The following GID8 variants were observed in gnomAD, a reference collection of about 807,000 sequenced individuals.
GID8 encodes glucose-induced degradation protein 8 homolog.
Under a neutral mutation model 27.4 loss-of-function variants are expected in GID8, and 6 were observed. The observed-to-expected ratio is 0.22, with a 90% CI of 0.12 to 0.43. GID8 has a LOEUF of 0.43. Among genes scored for constraint, GID8 ranks in the 20% least tolerant of loss-of-function variants. GID8 has a pLI of 1.00. For synonymous variants in GID8, 112 were observed against 109.0 expected, an observed-to-expected ratio of 1.03 and a Z score of -0.17; for missense variants, 173 against 287.6, an observed-to-expected ratio of 0.60 and a Z score of 2.88.
At position 62,945,515 on chromosome 20, in the gene GID8, T is replaced by C. The variant is rs2065462547; in HGVS notation, c.*603T>C. 3 of 1,045,190 alleles carry C rather than the reference T, an allele frequency of 2.9e-6. No homozygotes were observed. In the African/African-American group the frequency reaches 5.2e-5, roughly 18 times the overall value. The allele number at this position is 1,045,190 out of a possible 1,614,324, so 64.7% of individuals were successfully genotyped here. A position where few individuals can be genotyped will look rare whatever the true frequency, so the allele number is the denominator to read the frequency against. ...GCGTGTGAGGGGGCTATGTGTTTTTTAATTTTTTAAATATATATTTTGGTG... is the reference window on the plus strand; with the variant it reads ...GCGTGTGAGGGGGCTATGTGTTTTTCAATTTTTTAAATATATATTTTGGTG... On this transcript the variant is annotated 3_prime_UTR_variant, in exon 5 of 5. Transcript: ENST00000266069.
At chr20:62,940,241 G>C (rs2065436657) in intron 1 of GID8, among the ~76,000 whole-genome samples, 2 of 145,698 alleles carry the variant, frequency 1.4e-5, no homozygotes, top group Non-Finnish European at 3.0e-5. Context: ...CTGGAGTGCA[G>C]TGGCACCATC....
Position 62,948,107 on chromosome 20 carries a change from A to G in GID8, c.*3195A>G, listed in dbSNP as rs966412042. 6.6e-6 allele frequency: 1 copy of G among 152,242 alleles called. No homozygotes were observed. Among genetic ancestry groups the G allele is most frequent in the African/African-American group, 2.4e-5 (1 of 41,458 alleles). The allele number at this position is 152,242 out of a possible 1,614,324, so 9.4% of individuals were successfully genotyped here. On this transcript the variant is annotated 3_prime_UTR_variant, in exon 5 of 5. Transcript: ENST00000266069. Reference sequence around the variant, plus strand: ...GTTGCGTTGTTCACAATAGGGCCTCATGGGTGTAGCCGCATGGCAGACCCA... The same window carrying G: ...GTTGCGTTGTTCACAATAGGGCCTCGTGGGTGTAGCCGCATGGCAGACCCA...
In GID8 at chr20:62,948,197, C is replaced by G. The variant is rs1331744051; in HGVS notation, c.*3285C>G. On this transcript the variant is annotated 3_prime_UTR_variant, in exon 5 of 5. Transcript: ENST00000266069. ...CTGCTGCTCTGTTAACTGTTCTATT[C>G]TGATACTACGCGTGTTGTTTTTTAC... The G allele has an allele frequency of 6.6e-6, 1 of 152,222 alleles. No individual in the cohort carries two copies. Among genetic ancestry groups the G allele is most frequent in the Non-Finnish European group, 1.5e-5 (1 of 68,038 alleles). 9.4% of individuals were successfully genotyped at this position (152,222 alleles called of 1,614,324 possible).
At position 62,943,229 on chromosome 20, in the gene GID8, T is replaced by G. The variant is rs1206682528; in HGVS notation, c.315+46T>G. The stretch of plus-strand genomic sequence containing the variant: ...GTCTGGTTTGTGAATACTTGATAAG[T>G]TAAAGTTATTTGCAATGATTGAGAA... On this transcript the variant is annotated intron_variant, in intron 3 of 4. Coordinates refer to ENST00000266069, the MANE Select transcript of GID8 (RefSeq NM_017896.3). This position sits in a 1 kb window ranked among gnomAD's most constrained non-coding sequence, Gnocchi z 4.7. 2.9e-6 allele frequency: 4 copies of G among 1,376,490 alleles called. No homozygotes were observed. Among genetic ancestry groups the G allele is most frequent in the Non-Finnish European group, 4.1e-6 (4 of 985,868 alleles). 85.3% of individuals were successfully genotyped at this position (1,376,490 alleles called of 1,614,324 possible). A position where few individuals can be genotyped will look rare whatever the true frequency, so the allele number is the denominator to read the frequency against.
rs1211044191 is a variant in GID8, at chr20:62,946,988, A to C, written c.*2076A>C. 1 of 152,262 alleles carries C rather than the reference A, an allele frequency of 6.6e-6. No homozygotes were observed. Among genetic ancestry groups the C allele is most frequent in the African/African-American group, 2.4e-5 (1 of 41,464 alleles). 9.4% of individuals were successfully genotyped at this position (152,262 alleles called of 1,614,324 possible). A position where few individuals can be genotyped will look rare whatever the true frequency, so the allele number is the denominator to read the frequency against. On this transcript the variant is annotated 3_prime_UTR_variant, in exon 5 of 5. Coordinates refer to ENST00000266069, the MANE Select transcript of GID8 (RefSeq NM_017896.3). ...AAGCACAGCAATAGGAAGTCTCTCC[A>C]CAAACTAGGGGAACACAAATGGGGT...
At position 62,943,851 on chromosome 20, in the gene GID8, T is replaced by C. The variant is rs865984985; in HGVS notation, c.513+159T>C. ...TCCTTCATGGCTTTTTTTTTTTTTT[T>C]TGGAGGTGAAGTCTTGTTCTGTCGC... On this transcript the variant is annotated intron_variant, in intron 4 of 4. Coordinates refer to ENST00000266069, the MANE Select transcript of GID8 (RefSeq NM_017896.3). The surrounding 1 kb of genome is among the most constrained non-coding windows in gnomAD (Gnocchi z 4.7). 4.8e-3 allele frequency among the ~76,000 whole-genome samples: 732 copies of C among 151,456 alleles called. 3 individuals are homozygous for C. The highest frequency in any genetic ancestry group is 0.027 in the Middle Eastern group (8 of 292).
rs773612876 is a variant in GID8, at chr20:62,942,286, C to CA, written c.118+676dup. 9.4e-3 allele frequency among the ~76,000 whole-genome samples: 1,391 copies of CA among 147,400 alleles called. 9 individuals carry two copies. The highest frequency in any genetic ancestry group is 0.015 in the Non-Finnish European group (978 of 66,524). ...GCAACATAGTGAGACCTTGTCTCTA[C>CA]AAAAAAAAAATGTTAATTAGCTGGA... On this transcript the variant is annotated intron_variant, in intron 2 of 4. Coordinates refer to ENST00000266069, the MANE Select transcript of GID8 (RefSeq NM_017896.3).
In GID8 at chr20:62,945,317, C is replaced by T. The variant is rs1418058798; in HGVS notation, c.*405C>T. The T allele has an allele frequency of 1.4e-5, 14 of 997,322 alleles. No homozygotes were observed. The highest frequency in any genetic ancestry group is 1.7e-5 in the African/African-American group (1 of 57,254). 61.8% of individuals were successfully genotyped at this position (997,322 alleles called of 1,614,324 possible). A position where few individuals can be genotyped will look rare whatever the true frequency, so the allele number is the denominator to read the frequency against. ...CTGTTAGCTTAGGCAGACATTGGGC[C>T]TTCACCTACAAGTTTTTCCTTACCC... is the stretch of plus-strand genomic sequence containing the variant. On this transcript the variant is annotated 3_prime_UTR_variant, in exon 5 of 5. Coordinates refer to ENST00000266069, the MANE Select transcript of GID8 (RefSeq NM_017896.3).
intron 1 of GID8, chr20:62,938,793 A>C (rs1201482226): frequency 6.6e-6 from 1 of 152,124 alleles, no homozygotes; most frequent in Non-Finnish European, 1.5e-5. Context: ...AAGCGCTGTG[A>C]GTGCCGATCA....
At chr20:62,939,511 A>T (rs943135682) in intron 1 of GID8, among the ~76,000 whole-genome samples, 2 of 148,710 alleles carry the variant, frequency 1.3e-5, no homozygotes, top group African/African-American at 5.0e-5. Flanking sequence ...CTCCAGACGC[A>T]TGTCTAATAG....
At position 62,945,178 on chromosome 20, in the gene GID8, T is replaced by C. The variant is rs2147634047; in HGVS notation, c.*266T>C. 2 of 1,234,954 alleles carry C rather than the reference T, an allele frequency of 1.6e-6. No individual in the cohort carries two copies. Among genetic ancestry groups the C allele is most frequent in the Non-Finnish European group, 2.0e-6 (2 of 981,696 alleles). The allele number at this position is 1,234,954 out of a possible 1,614,324, so 76.5% of individuals were successfully genotyped here. A position where few individuals can be genotyped will look rare whatever the true frequency, so the allele number is the denominator to read the frequency against. ...AATCTGGAAGGTTGCGGTTTGCTCT[T>C]CCAGTGTTCGGGGGCCTCTGGCTGC... On this transcript the variant is annotated 3_prime_UTR_variant, in exon 5 of 5. Coordinates refer to ENST00000266069, the MANE Select transcript of GID8 (RefSeq NM_017896.3).
At chr20:62,940,755 A>G (rs2065439712) in intron 1 of GID8, among the ~76,000 whole-genome samples, 1 of 152,258 alleles carries the variant, frequency 6.6e-6, no homozygotes. Context: ...GTGTGAATAC[A>G]TGACCACAGT....
chr20:62,946,277 C>T lies in GID8; in HGVS notation c.*1365C>T, dbSNP rs3746756. Reference sequence around the variant, plus strand: ...CTTATTCTCAAGTAGCAAGGCATCTCGACAAGCATGGTCTAGGTCTGGTGG... The same window carrying T: ...CTTATTCTCAAGTAGCAAGGCATCTTGACAAGCATGGTCTAGGTCTGGTGG... On this transcript the variant is annotated 3_prime_UTR_variant, in exon 5 of 5. Transcript: ENST00000266069. The T allele has an allele frequency of 0.25, 82,160 of 329,518 alleles. 10,916 individuals carry two copies. Among genetic ancestry groups the T allele is most frequent in the Middle Eastern group, 0.41 (370 of 898 alleles). The allele number at this position is 329,518 out of a possible 1,614,324, so 20.4% of individuals were successfully genotyped here.
rs747452335 is a variant in GID8, at chr20:62,944,762, T to C, written c.537T>C (p.Ala179=). Residue 179 remains alanine, a synonymous_variant, in exon 5 of 5, where the codon GCT becomes GCC. Transcript: ENST00000266069. ...AGGTGTGGAGTGAAGTTAACCAAGC[T>C]GTGCTAGATTATGAAAATCGCGAGT... ...RQKVWSEVNQ[A]VLDYENREST... 6 of 1,613,518 alleles carry C rather than the reference T, an allele frequency of 3.7e-6. No individual in the cohort carries two copies. The East Asian group carries it at 1.3e-4, about 36-fold the overall frequency.
chr20:62,938,314 C>G (rs2065415686), intron 1 of GID8, 61 bp downstream of exon 1: 1 of 150,772 alleles, frequency 6.6e-6, no homozygotes, highest in South Asian at 2.1e-4. Flanking sequence ...CCGGGCCGGG[C>G]GGGCAGGCGG....
Position 62,946,071 on chromosome 20 carries a change from T to C in GID8, c.*1159T>C. 1 of 1,250,354 alleles carries C rather than the reference T, an allele frequency of 8.0e-7. No homozygotes were observed. The highest frequency in any genetic ancestry group is 1.0e-6 in the Non-Finnish European group (1 of 954,136). The allele number at this position is 1,250,354 out of a possible 1,614,324, so 77.5% of individuals were successfully genotyped here. On this transcript the variant is annotated 3_prime_UTR_variant, in exon 5 of 5. Coordinates refer to ENST00000266069, the MANE Select transcript of GID8 (RefSeq NM_017896.3). The stretch of plus-strand genomic sequence containing the variant: ...GGCCTTGTAGCTCTGGGCACAGATG[T>C]GTTTGGATTCATTGCAGCGGACCAC...
Position 62,945,596 on chromosome 20 carries a change from A to G in GID8, c.*684A>G, listed in dbSNP as rs767411150. 61 of 1,164,538 alleles carry G rather than the reference A, an allele frequency of 5.2e-5. No individual in the cohort carries two copies. Among genetic ancestry groups the G allele is most frequent in the Non-Finnish European group, 6.3e-5 (59 of 929,470 alleles). The allele number at this position is 1,164,538 out of a possible 1,614,324, so 72.1% of individuals were successfully genotyped here. On this transcript the variant is annotated 3_prime_UTR_variant, in exon 5 of 5. Coordinates refer to ENST00000266069, the MANE Select transcript of GID8 (RefSeq NM_017896.3). ...GATCAATGAACCATCTCTTCTGGGC[A>G]GTTTTGTTGAAAATAAAGGTTTCTC...
intron 2 of GID8, among the ~76,000 whole-genome samples, chr20:62,941,959 T>C (rs936331541): frequency 6.6e-6 from 1 of 152,224 alleles, no homozygotes; most frequent in Non-Finnish European, 1.5e-5. Flanking sequence ...GGCCTGTTTC[T>C]GGAAAGTATG....
In GID8 at chr20:62,943,385, C is replaced by G; in HGVS notation, c.316-110C>G. The G allele has an allele frequency of 1.8e-6, 2 of 1,102,860 alleles. No homozygotes were observed. Among genetic ancestry groups the G allele is most frequent in the South Asian group, 2.9e-5 (2 of 69,686 alleles). 68.3% of individuals were successfully genotyped at this position (1,102,860 alleles called of 1,614,324 possible). ...ATGCAAATTTGATAACTCAGAGATGCAAGAAAAGTCTTCCCTCTGTGATGT... is the reference window on the plus strand; with the variant it reads ...ATGCAAATTTGATAACTCAGAGATGGAAGAAAAGTCTTCCCTCTGTGATGT... On this transcript the variant is annotated intron_variant, in intron 3 of 4. Coordinates refer to ENST00000266069, the MANE Select transcript of GID8 (RefSeq NM_017896.3). This position sits in a 1 kb window ranked among gnomAD's most constrained non-coding sequence, Gnocchi z 4.7.
Sources: gnomAD v4.1 joint callset for allele counts (sites outside exome capture counted in the v4.1 genomes callset) on GRCh38, gnomAD v4.1.1 for gene constraint, Gnocchi (gnomAD v3.1) non-coding constraint, MANE v1.5 for transcripts, NCBI Gene and HGNC (gene_info 2026-07-23, HGNC 2026-07-21) for gene names.